The following CRABP2 variants were observed in gnomAD, a reference collection of about 807,000 sequenced individuals.
CRABP2 encodes cellular retinoic acid binding protein 2.
In CRABP2, 20 loss-of-function variants were observed where a neutral mutation model predicts 17.9. The ratio of observed to expected loss-of-function variants is 1.12; its 90% CI spans 0.79 to 1.63. The LOEUF (loss-of-function observed/expected upper bound fraction) is 1.63. CRABP2 is among the 40% of genes most tolerant of loss of function. The pLI, the probability that CRABP2 is intolerant of heterozygous loss-of-function variation, is 0.00. For missense variants in CRABP2, 151 were observed against 168.6 expected, an observed-to-expected ratio of 0.90 and a Z score of 0.58; for synonymous variants, 76 against 66.4, an observed-to-expected ratio of 1.14 and a Z score of -0.70.
chr1:156,705,378 CAGCACTTTG>C lies in CRABP2; in HGVS notation c.60_68del (p.Lys21_Leu23del). On this transcript the variant is annotated inframe_deletion and splice_region_variant, in exon 1 of 4. Transcript: ENST00000368222. The surrounding 1 kb of genome is among the most constrained non-coding windows in gnomAD (Gnocchi z 5.2). ...CTGGGCCCTCGAACATTTCCTTACC[CAGCACTTTG>C]AGCAATTCCTCGAAGTTTTCCGATC... The C allele has an allele frequency of 6.2e-7, 1 of 1,614,214 alleles. No homozygotes were observed. The highest frequency in any genetic ancestry group is 2.2e-5 in the East Asian group (1 of 44,882).
In CRABP2 at chr1:156,699,843, A is replaced by C; in HGVS notation, c.*183T>G. 1.7e-6 allele frequency: 1 copy of C among 587,784 alleles called. No individual in the cohort carries two copies. Among genetic ancestry groups the C allele is most frequent in the Non-Finnish European group, 3.0e-6 (1 of 331,216 alleles). 36.4% of individuals were successfully genotyped at this position (587,784 alleles called of 1,614,324 possible). A position where few individuals can be genotyped will look rare whatever the true frequency, so the allele number is the denominator to read the frequency against. On this transcript the variant is annotated 3_prime_UTR_variant, in exon 4 of 4. Transcript: ENST00000368222. ...TGCAGCCATTCCTCTTTGTTGGTGT[A>C]GGGGAGGAGAGAAGAGGTCAAAGAA...
At position 156,700,858 on chromosome 1, in the gene CRABP2, C is replaced by G; in HGVS notation, c.249+16G>C. 6.2e-7 allele frequency: 1 copy of G among 1,610,594 alleles called. No homozygotes were observed. The highest frequency in any genetic ancestry group is 8.5e-7 in the Non-Finnish European group (1 of 1,177,434). ...GGCAATGACGCCATGACCCTGGAGCCCCTTCTGGCACTCACCTTACAGGGC... is the reference window on the plus strand; with the variant it reads ...GGCAATGACGCCATGACCCTGGAGCGCCTTCTGGCACTCACCTTACAGGGC... On this transcript the variant is annotated intron_variant, in intron 2 of 3. Coordinates refer to ENST00000368222, the MANE Select transcript of CRABP2 (RefSeq NM_001878.4).
Position 156,700,535 on chromosome 1 carries a change from G to A in CRABP2, c.366+7C>T. ...TTTGCTATTAGTGGGGAGGAGGCAG[G>A]ACTTACCAGGATCAGTTCCCCATCG... is the stretch of plus-strand genomic sequence containing the variant. On this transcript the variant is annotated splice_region_variant and intron_variant, in intron 3 of 3. Coordinates refer to ENST00000368222, the MANE Select transcript of CRABP2 (RefSeq NM_001878.4). The A allele has an allele frequency of 6.2e-7, 1 of 1,608,498 alleles. No homozygotes were observed. Among genetic ancestry groups the A allele is most frequent in the South Asian group, 1.1e-5 (1 of 90,966 alleles).
At chr1:156,700,111 C>G (rs202187036) in intron 3 of CRABP2, 35 bp from the exon 4 acceptor site, 1 of 1,605,998 alleles carries the variant, frequency 6.2e-7, no homozygotes, top group Non-Finnish European at 8.5e-7. Flanking sequence ...GCCTGAGAGG[C>G]CCCTGGGGTC....
intron 1 of CRABP2, among the ~76,000 whole-genome samples, chr1:156,703,679 C>T (rs1430994577): frequency 6.6e-6 from 1 of 152,176 alleles, no homozygotes; most frequent in Non-Finnish European, 1.5e-5. Context: ...AGCCTTGCCC[C>T]TGGGGAGCCC....
In CRABP2 at chr1:156,700,665, G is replaced by C. The variant is rs1648005106; in HGVS notation, c.250-7C>G. On this transcript the variant is annotated splice_polypyrimidine_tract_variant and splice_region_variant and intron_variant, in intron 2 of 3. Transcript: ENST00000368222. The stretch of plus-strand genomic sequence containing the variant: ...TCTCCCATTTCACCAGGCTCTGCAA[G>C]AGACAGGTGGCCAAGTGAGCTGGGC... 6.2e-7 allele frequency: 1 copy of C among 1,613,116 alleles called. No individual in the cohort carries two copies. The highest frequency in any genetic ancestry group is 8.5e-7 in the Non-Finnish European group (1 of 1,179,090).
At position 156,700,970 on chromosome 1, in the gene CRABP2, GA is replaced by G. The variant is rs747141009; in HGVS notation, c.152del (p.Phe51SerfsTer36). On this transcript the variant is annotated frameshift_variant, in exon 2 of 4. Transcript: ENST00000368222. LOFTEE classifies it high-confidence loss of function. ...AVEIKQEGDT[F>X]YIKTSTTVRT... ...GCACGGTGGTGGAGGTTTTGATGTA[GA>G]AAGTGTCTCCCTCCTGTTTGATCTC... 3 of 1,614,140 alleles carry G rather than the reference GA, an allele frequency of 1.9e-6. No individual in the cohort carries two copies. The highest frequency in any genetic ancestry group is 2.5e-6 in the Non-Finnish European group (3 of 1,180,032).
intron 1 of CRABP2, among the ~76,000 whole-genome samples, chr1:156,701,641 A>C (rs1193807120): frequency 6.6e-6 from 1 of 152,054 alleles, no homozygotes; most frequent in Non-Finnish European, 1.5e-5. Flanking sequence ...TCTGCCCCAC[A>C]GCAATGAAAG....
chr1:156,704,739 C>T (rs951034333), intron 1 of CRABP2, among the ~76,000 whole-genome samples: 2 of 151,878 alleles, frequency 1.3e-5, no homozygotes, highest in African/African-American at 4.8e-5. Flanking sequence ...GATAATTATC[C>T]CTAGCGATTT....
At chr1:156,700,402 A>T in intron 3 of CRABP2, 140 bp downstream of exon 3, 2 of 728,290 alleles carry the variant, frequency 2.7e-6, no homozygotes, top group Admixed American at 4.2e-5. Flanking sequence ...GGGACACCTT[A>T]GTTCTGTTCA....
intron 1 of CRABP2, among the ~76,000 whole-genome samples, chr1:156,702,267 A>G (rs570730056): frequency 9.1e-4 from 138 of 151,780 alleles, no homozygotes; most frequent in African/African-American, 3.1e-3. Flanking sequence ...CCTGACCAGC[A>G]TAGTGAAACC....
chr1:156,703,098 C>T lies in CRABP2; in HGVS notation c.71-2046G>A, dbSNP rs115992799. 4.7e-3 allele frequency among the ~76,000 whole-genome samples: 719 copies of T among 151,746 alleles called. 11 individuals are homozygous for T. The highest frequency in any genetic ancestry group is 0.015 in the African/African-American group (601 of 41,348). ...GCTCAAAGCTCTCTGCATTAGGCAC[C>T]GTACTCATCTGCCCTTCTGGAAGAC... is the stretch of plus-strand genomic sequence containing the variant. On this transcript the variant is annotated intron_variant, in intron 1 of 3. Transcript: ENST00000368222.
At chr1:156,703,756 T>G (rs1261492404) in intron 1 of CRABP2, among the ~76,000 whole-genome samples, 2 of 152,048 alleles carry the variant, frequency 1.3e-5, no homozygotes, top group African/African-American at 2.4e-5. Flanking sequence ...CAAGTCTTAT[T>G]GAGATGGACC....
Position 156,699,965 on chromosome 1 carries a change from T to C in CRABP2, c.*61A>G. Reference sequence around the variant, plus strand: ...GGAGGGGGTGGGACGGAGGGGGCAGTGAAGCAGGGCGGTGAGCATGGCCAG... The same window carrying C: ...GGAGGGGGTGGGACGGAGGGGGCAGCGAAGCAGGGCGGTGAGCATGGCCAG... On this transcript the variant is annotated 3_prime_UTR_variant, in exon 4 of 4. Transcript: ENST00000368222. 6.4e-7 allele frequency: 1 copy of C among 1,563,186 alleles called. No individual in the cohort carries two copies. Among genetic ancestry groups the C allele is most frequent in the South Asian group, 1.2e-5 (1 of 86,836 alleles).
In CRABP2 at chr1:156,700,949, G is replaced by A. The variant is rs370776888; in HGVS notation, c.174C>T (p.Thr58=). 1.2e-5 allele frequency: 19 copies of A among 1,614,060 alleles called. No homozygotes were observed. In the South Asian group the frequency reaches 1.5e-4, roughly 13 times the overall value. Residue 58 remains threonine, a synonymous_variant, in exon 2 of 4, where the codon ACC becomes ACT. Transcript: ENST00000368222. ...GDTFYIKTST[T]VRTTEINFKV... Reference sequence around the variant, plus strand: ...TGAAGTTAATCTCTGTGGTGCGCACGGTGGTGGAGGTTTTGATGTAGAAAG... The same window carrying A: ...TGAAGTTAATCTCTGTGGTGCGCACAGTGGTGGAGGTTTTGATGTAGAAAG...
Position 156,704,315 on chromosome 1 carries a change from C to T in CRABP2, c.70+1062G>A, listed in dbSNP as rs761136824. Among the ~76,000 whole-genome samples, 3 of 152,156 alleles carry T rather than the reference C, an allele frequency of 2.0e-5. No homozygotes were observed. In the East Asian group the frequency reaches 5.8e-4, roughly 29 times the overall value. On this transcript the variant is annotated intron_variant, in intron 1 of 3. Coordinates refer to ENST00000368222, the MANE Select transcript of CRABP2 (RefSeq NM_001878.4). Reference sequence around the variant, plus strand: ...ACCTGTCTTAGATCCAGACTCACTCCTATAGTCCAGGGAGAGGGGTGCCTT... The same window carrying T: ...ACCTGTCTTAGATCCAGACTCACTCTTATAGTCCAGGGAGAGGGGTGCCTT...
intron 3 of CRABP2, among the ~76,000 whole-genome samples, chr1:156,700,326 G>A (rs1032736622): frequency 6.6e-6 from 1 of 152,168 alleles, no homozygotes; most frequent in African/African-American, 2.4e-5. Context: ...GGATCCCTCA[G>A]TACATGCCCT....
Position 156,705,468 on chromosome 1 carries a change from C to G in CRABP2, c.-22G>C. The G allele has an allele frequency of 1.2e-6, 2 of 1,613,272 alleles. No individual in the cohort carries two copies. Among genetic ancestry groups the G allele is most frequent in the Non-Finnish European group, 1.7e-6 (2 of 1,179,446 alleles). Reference sequence around the variant, plus strand: ...GCATGGTGGCGGCGCGGGAGGCGGTCCCCGTAGACTCCTAGGCTGGAGCAC... The same window carrying G: ...GCATGGTGGCGGCGCGGGAGGCGGTGCCCGTAGACTCCTAGGCTGGAGCAC... On this transcript the variant is annotated 5_prime_UTR_variant, in exon 1 of 4. Coordinates refer to ENST00000368222, the MANE Select transcript of CRABP2 (RefSeq NM_001878.4). The surrounding 1 kb of genome is among the most constrained non-coding windows in gnomAD (Gnocchi z 5.2).
At chr1:156,701,086 G>T in intron 1 of CRABP2, 34 bp from the exon 2 acceptor site, 1 of 1,603,774 alleles carries the variant, frequency 6.2e-7, no homozygotes, top group Middle Eastern at 1.9e-4. Flanking sequence ...ACCTTTTAGG[G>T]GCCTTTGGGC....
Sources: allele counts gnomAD v4.1 joint callset (sites outside exome capture counted in the v4.1 genomes callset), GRCh38; gene constraint gnomAD v4.1.1; non-coding constraint Gnocchi (gnomAD v3.1); transcripts MANE v1.5; gene names NCBI Gene and HGNC (gene_info 2026-07-23, HGNC 2026-07-21).